TRPS1: variants seen among roughly 807,000 people sequenced by gnomAD.
TRPS1 encodes the protein zinc finger transcription factor Trps1.
A neutral mutation model predicts 101.2 loss-of-function variants in TRPS1; 6 were observed. The ratio of observed to expected loss-of-function variants is 0.06; its 90% CI spans 0.03 to 0.12. The LOEUF is 0.12. TRPS1 is among the 10% of genes least tolerant of loss of function. TRPS1 has a pLI of 1.00. For missense variants in TRPS1, 1,363 were observed against 1,567.0 expected (o/e 0.87, Z 2.20); for synonymous variants, 578 against 589.8 (o/e 0.98, Z 0.29).
At chr8:115,546,343 C>T (rs1030273528) in intron 5 of TRPS1, among the ~76,000 whole-genome samples, 71 of 152,002 alleles carry the variant, frequency 4.7e-4, no homozygotes, top group African/African-American at 1.4e-3. Flanking sequence ...ATAAAAACAT[C>T]GTACTAATAG....
chr8:115,427,547 G>A (rs1813216836), intron 5 of TRPS1, among the ~76,000 whole-genome samples: 1 of 152,062 alleles, frequency 6.6e-6, no homozygotes. Context: ...CTGCTGAATA[G>A]TAGGGCTAAG....
At chr8:115,562,698 T>C (rs1816973821) in intron 5 of TRPS1, among the ~76,000 whole-genome samples, 1 of 152,018 alleles carries the variant, frequency 6.6e-6, no homozygotes, top group Admixed American at 6.6e-5. Context: ...GCTGATAAGA[T>C]GTTCTTTTTC....
At chr8:115,559,734 T>C (rs1816904388) in intron 5 of TRPS1, among the ~76,000 whole-genome samples, 1 of 152,130 alleles carries the variant, frequency 6.6e-6, no homozygotes, top group Admixed American at 6.6e-5. Flanking sequence ...AAAGATTTTA[T>C]TTTTTAAAAA....
chr8:115,423,310 A>G (rs990404894), intron 5 of TRPS1, among the ~76,000 whole-genome samples: 5 of 152,224 alleles, frequency 3.3e-5, no homozygotes, highest in Non-Finnish European at 7.3e-5. Context: ...TATGTGAAAA[A>G]GGATGAATAA....
chr8:115,510,698 T>G (rs1185185395), intron 5 of TRPS1, among the ~76,000 whole-genome samples: 1 of 151,970 alleles, frequency 6.6e-6, no homozygotes, highest in Non-Finnish European at 1.5e-5. Flanking sequence ...CTTCTTTTAC[T>G]TTTTTGCACA....
intron 5 of TRPS1, among the ~76,000 whole-genome samples, chr8:115,538,250 T>C (rs1816368821): frequency 6.6e-6 from 1 of 152,230 alleles, no homozygotes. Context: ...TTGTTGTTTA[T>C]AATTAACTGT....
chr8:115,519,830 G>T (rs1586358137), intron 5 of TRPS1, among the ~76,000 whole-genome samples: 1 of 151,638 alleles, frequency 6.6e-6, no homozygotes, highest in South Asian at 2.1e-4. Flanking sequence ...AAGAAAAGAA[G>T]AATTAATTAT....
At chr8:115,535,886 A>T (rs1178967551) in intron 5 of TRPS1, among the ~76,000 whole-genome samples, 1 of 151,956 alleles carries the variant, frequency 6.6e-6, no homozygotes, top group Non-Finnish European at 1.5e-5. Context: ...GCAGAGCATT[A>T]TAATATGAAT....
At chr8:115,490,462 T>C (rs796289783) in intron 5 of TRPS1, among the ~76,000 whole-genome samples, 58 of 152,288 alleles carry the variant, frequency 3.8e-4, no homozygotes, top group African/African-American at 1.3e-3. Flanking sequence ...TTTTGCATGC[T>C]TGCAAAAATA....
intron 5 of TRPS1, among the ~76,000 whole-genome samples, chr8:115,495,621 G>A (rs1815130480): frequency 6.6e-6 from 1 of 151,470 alleles, no homozygotes; most frequent in South Asian, 2.1e-4. Context: ...ACACTAGAGG[G>A]TGACTGCACA....
intron 5 of TRPS1, among the ~76,000 whole-genome samples, chr8:115,463,382 C>T (rs757675421): frequency 6.6e-6 from 1 of 152,102 alleles, no homozygotes; most frequent in African/African-American, 2.4e-5. Flanking sequence ...TTATTTTATC[C>T]TCAGAGAAAG....
At chr8:115,518,421 G>A (rs1420864852) in intron 5 of TRPS1, among the ~76,000 whole-genome samples, 1 of 151,732 alleles carries the variant, frequency 6.6e-6, no homozygotes, top group Non-Finnish European at 1.5e-5. Flanking sequence ...AAAGATTATA[G>A]AGATTATCAG....
chr8:115,652,083 TAGATTAAG>T (rs2130611582), intron 1 of TRPS1, among the ~76,000 whole-genome samples: 1 of 152,156 alleles, frequency 6.6e-6, no homozygotes, highest in East Asian at 1.9e-4. Context: ...GAAAAGTGCA[TAGATTAAG>T]AGAACATTCA....
chr8:115,613,641 A>G (rs1254101521), intron 3 of TRPS1, among the ~76,000 whole-genome samples: 1 of 152,172 alleles, frequency 6.6e-6, no homozygotes, highest in Non-Finnish European at 1.5e-5. Flanking sequence ...ACTTTAATAT[A>G]TGCTGTTTCC....
At chr8:115,553,343 A>C (rs542697413) in intron 5 of TRPS1, among the ~76,000 whole-genome samples, 1 of 152,186 alleles carries the variant, frequency 6.6e-6, no homozygotes, top group African/African-American at 2.4e-5. Flanking sequence ...TGTCTGTAAA[A>C]ATAAATAATG....
At chr8:115,552,882 T>C (rs1816735851) in intron 5 of TRPS1, among the ~76,000 whole-genome samples, 1 of 152,054 alleles carries the variant, frequency 6.6e-6, no homozygotes, top group Admixed American at 6.6e-5. Flanking sequence ...ACTTTAATCC[T>C]GGCAATATCC....
At chr8:115,576,152 C>A (rs962324745) in intron 5 of TRPS1, among the ~76,000 whole-genome samples, 1 of 152,038 alleles carries the variant, frequency 6.6e-6, no homozygotes, top group African/African-American at 2.4e-5. Flanking sequence ...AAAGAATGGG[C>A]TTTCTTGTAC....
intron 5 of TRPS1, among the ~76,000 whole-genome samples, chr8:115,504,368 A>G (rs1379321143): frequency 6.6e-6 from 1 of 152,206 alleles, no homozygotes; most frequent in Non-Finnish European, 1.5e-5. Context: ...CAATTATAGA[A>G]TGATACATGG....
At chr8:115,467,469 T>C (rs1393789064) in intron 5 of TRPS1, among the ~76,000 whole-genome samples, 1 of 152,196 alleles carries the variant, frequency 6.6e-6, no homozygotes, top group Non-Finnish European at 1.5e-5. Flanking sequence ...ATTTTGCCTT[T>C]TGTACCCAAA....
Sources: allele counts gnomAD v4.1 joint callset (sites outside exome capture counted in the v4.1 genomes callset), GRCh38; gene constraint gnomAD v4.1.1; transcripts MANE v1.5; gene names NCBI Gene and HGNC (gene_info 2026-07-23, HGNC 2026-07-21).